BMPR1B: variants seen among roughly 807,000 people sequenced by gnomAD.
The protein encoded by BMPR1B is bone morphogenetic protein receptor type 1B.
BMPR1B carries 12 observed loss-of-function variants against 59.1 expected under a neutral mutation model. That is an observed-to-expected ratio of 0.20 (90% CI 0.13 to 0.33). The LOEUF is 0.33. Among genes scored for constraint, BMPR1B ranks in the 10% least tolerant of loss-of-function variants. BMPR1B has a pLI of 1.00. For synonymous variants in BMPR1B, 237 were observed against 207.3 expected, an observed-to-expected ratio of 1.14 and a Z score of -1.23; for missense variants, 550 against 610.9, an observed-to-expected ratio of 0.90 and a Z score of 1.05.
chr4:94,840,998 G>T (rs1725040994), intron 1 of BMPR1B, among the ~76,000 whole-genome samples: 1 of 147,200 alleles, frequency 6.8e-6, no homozygotes, highest in South Asian at 2.2e-4. Flanking sequence ...ACCCTCAGCT[G>T]CAGGTCTGTT....
At chr4:95,148,656 T>G in intron 10 of BMPR1B, 92 bp from the exon 11 acceptor site, 1 of 1,327,544 alleles carries the variant, frequency 7.5e-7, no homozygotes. Context: ...TTTCCACTTT[T>G]CACTAACTAA....
chr4:94,823,879 C>G (rs1724293106), intron 1 of BMPR1B, among the ~76,000 whole-genome samples: 1 of 152,114 alleles, frequency 6.6e-6, no homozygotes, highest in South Asian at 2.1e-4. Context: ...TCCCAAGTAG[C>G]TGGGACTACA....
chr4:95,080,326 T>G lies in BMPR1B; in HGVS notation c.-17-24082T>G, dbSNP rs1440646162. ...ATCTCGGCTCACTGCAACCTCCACC[T>G]CCTGGGTTCAAGTGATTTACCTCCC... On this transcript the variant is annotated intron_variant, in intron 3 of 12. Coordinates refer to ENST00000515059, the MANE Select transcript of BMPR1B (RefSeq NM_001203.3). 2.0e-5 allele frequency among the ~76,000 whole-genome samples: 3 copies of G among 151,966 alleles called. No individual in the cohort carries two copies. In the East Asian group the frequency reaches 5.8e-4, roughly 29 times the overall value.
At chr4:94,800,229 A>G (rs1389358366) in intron 1 of BMPR1B, among the ~76,000 whole-genome samples, 1 of 152,170 alleles carries the variant, frequency 6.6e-6, no homozygotes, top group Non-Finnish European at 1.5e-5. Context: ...AAGATTTACA[A>G]ATACATAAGT....
chr4:94,834,014 T>G (rs1724702356), intron 1 of BMPR1B, among the ~76,000 whole-genome samples: 1 of 152,240 alleles, frequency 6.6e-6, no homozygotes, highest in Non-Finnish European at 1.5e-5. Flanking sequence ...TTTTGTTGAT[T>G]AATTGTAGTT....
intron 3 of BMPR1B, among the ~76,000 whole-genome samples, chr4:95,062,383 A>G (rs532226372): frequency 5.3e-4 from 80 of 152,320 alleles, no homozygotes; most frequent in African/African-American, 1.8e-3. Context: ...TTAGACTTTC[A>G]TAATTTAGTG....
chr4:94,887,417 A>C (rs192539297), intron 2 of BMPR1B, among the ~76,000 whole-genome samples: 2,180 of 149,722 alleles, frequency 0.015, 40 homozygotes, highest in East Asian at 0.079. Context: ...AAAAAAAAAA[A>C]AAAAAACAAG....
At chr4:95,066,382 G>C (rs1727803639) in intron 3 of BMPR1B, among the ~76,000 whole-genome samples, 1 of 149,970 alleles carries the variant, frequency 6.7e-6, no homozygotes, top group Non-Finnish European at 1.5e-5. Flanking sequence ...CCATTACTGG[G>C]GAGGGAAAAC....
chr4:95,123,432 A>G (rs1040451566), intron 6 of BMPR1B, among the ~76,000 whole-genome samples: 5 of 152,182 alleles, frequency 3.3e-5, no homozygotes, highest in African/African-American at 1.2e-4. Context: ...AGTACTCCAG[A>G]GACCACATGA....
intron 2 of BMPR1B, among the ~76,000 whole-genome samples, chr4:94,884,026 C>G (rs149683650): frequency 6.6e-6 from 1 of 152,306 alleles, no homozygotes; most frequent in African/African-American, 2.4e-5. Flanking sequence ...CTTTAAACTA[C>G]TGTATAACTT....
chr4:94,797,602 A>C (rs528619102), intron 1 of BMPR1B, among the ~76,000 whole-genome samples: 1 of 152,200 alleles, frequency 6.6e-6, no homozygotes, highest in Non-Finnish European at 1.5e-5. Context: ...GTATATTCAC[A>C]TTGTCCTGGG....
chr4:95,116,421 G>GCACACACACACACACACACACACACACA (rs35436544), intron 6 of BMPR1B, among the ~76,000 whole-genome samples: 11 of 123,190 alleles, frequency 8.9e-5, no homozygotes, highest in African/African-American at 3.6e-4. Flanking sequence ...TTCAGCGCGC[G>GCACACACACACACACACACACACACACA]CACACACACA....
chr4:94,807,320 T>C (rs544337598), intron 1 of BMPR1B, among the ~76,000 whole-genome samples: 17 of 152,274 alleles, frequency 1.1e-4, no homozygotes, highest in African/African-American at 4.1e-4. Context: ...GCCAAACTCC[T>C]GAGCTCAAGC....
intron 3 of BMPR1B, among the ~76,000 whole-genome samples, chr4:95,032,763 T>G (rs1724971030): frequency 6.6e-6 from 1 of 152,182 alleles, no homozygotes; most frequent in South Asian, 2.1e-4. Context: ...ATTTATCTTT[T>G]CATCCATTGA....
intron 3 of BMPR1B, among the ~76,000 whole-genome samples, chr4:95,002,442 T>C (rs955351277): frequency 3.9e-5 from 6 of 152,332 alleles, no homozygotes; most frequent in South Asian, 2.1e-4. Context: ...GATGAACATA[T>C]GAGTGCATGT....
At chr4:94,896,741 C>T (rs1179170912) in intron 2 of BMPR1B, among the ~76,000 whole-genome samples, 1 of 151,788 alleles carries the variant, frequency 6.6e-6, no homozygotes, top group Non-Finnish European at 1.5e-5. Context: ...TATAAGCAAG[C>T]CTTTGTAGAA....
chr4:95,061,193 A>G (rs1310651865), intron 3 of BMPR1B, among the ~76,000 whole-genome samples: 1 of 115,588 alleles, frequency 8.7e-6, no homozygotes, highest in East Asian at 2.3e-4. Context: ...ACACACACAC[A>G]CACACACACA....
intron 1 of BMPR1B, among the ~76,000 whole-genome samples, chr4:94,792,680 T>C (rs1004576124): frequency 6.6e-6 from 1 of 152,224 alleles, no homozygotes. Flanking sequence ...TTTGCTTTAC[T>C]TGACGATGCT....
rs188703962 is a variant in BMPR1B, at chr4:95,155,086, G to T, written c.*413G>T. ...ATTCTTCCCAGGAACTCTGCTGGAA[G>T]GTAAATTAAAATACTTGTTTTTCCA... On this transcript the variant is annotated 3_prime_UTR_variant, in exon 13 of 13. Coordinates refer to ENST00000515059, the MANE Select transcript of BMPR1B (RefSeq NM_001203.3). 1 of 179,546 alleles carries T rather than the reference G, an allele frequency of 5.6e-6. No individual in the cohort carries two copies. Among genetic ancestry groups the T allele is most frequent in the Admixed American group, 5.6e-5 (1 of 17,932 alleles). 11.1% of individuals were successfully genotyped at this position (179,546 alleles called of 1,614,324 possible).
Sources: allele counts gnomAD v4.1 joint callset (sites outside exome capture counted in the v4.1 genomes callset), GRCh38; gene constraint gnomAD v4.1.1; transcripts MANE v1.5; gene names NCBI Gene and HGNC (gene_info 2026-07-23, HGNC 2026-07-21).